The following HSD17B4 variants were observed in gnomAD, a reference collection of about 807,000 sequenced individuals.
The protein encoded by HSD17B4 is peroxisomal multifunctional enzyme type 2.
Under a neutral mutation model 101.0 loss-of-function variants are expected in HSD17B4, and 70 were observed. The ratio of observed to expected loss-of-function variants is 0.69; its 90% CI spans 0.57 to 0.85. The LOEUF is 0.85. Ranked by LOEUF, HSD17B4 falls within the 40% of genes least tolerant of loss-of-function variation. HSD17B4 has a pLI of 0.00. For synonymous variants in HSD17B4, 347 were observed against 297.1 expected (o/e 1.17, Z -1.73); for missense variants, 984 against 892.4 (o/e 1.10, Z -1.31).
chr5:119,516,179 C>G (rs1176761827), intron 17 of HSD17B4, among the ~76,000 whole-genome samples: 1 of 151,896 alleles, frequency 6.6e-6, no homozygotes, highest in Non-Finnish European at 1.5e-5. Context: ...TTGTTTTATT[C>G]TTGCTTTTAA....
rs1003820252 is a variant in HSD17B4, at chr5:119,454,762, C to T, written c.59-1553C>T. Among the ~76,000 whole-genome samples, 4 of 151,924 alleles carry T rather than the reference C, an allele frequency of 2.6e-5. No individual in the cohort carries two copies. In the East Asian group the frequency reaches 5.8e-4, roughly 22 times the overall value. ...TCAGCCTCCCAAGTAGCTGGGGGTACAGGTGCACACCACCAAGCCCAGCTG... is the reference window on the plus strand; with the variant it reads ...TCAGCCTCCCAAGTAGCTGGGGGTATAGGTGCACACCACCAAGCCCAGCTG... On this transcript the variant is annotated intron_variant, in intron 1 of 23. Coordinates refer to ENST00000510025, the MANE Select transcript of HSD17B4 (RefSeq NM_000414.4).
chr5:119,518,228 A>C (rs746837799), intron 17 of HSD17B4, among the ~76,000 whole-genome samples: 2 of 152,098 alleles, frequency 1.3e-5, no homozygotes, highest in Non-Finnish European at 2.9e-5. Flanking sequence ...GCCCACCGGG[A>C]GGAACGAACA....
At chr5:119,478,647 G>A (rs1748823729) in intron 7 of HSD17B4, among the ~76,000 whole-genome samples, 187 bp from the exon 8 acceptor site, 1 of 152,110 alleles carries the variant, frequency 6.6e-6, no homozygotes, top group African/African-American at 2.4e-5. Flanking sequence ...GTTAAATCTT[G>A]TAGTTGAATT....
At position 119,499,298 on chromosome 5, in the gene HSD17B4, T is replaced by C. The variant is rs1332923801; in HGVS notation, c.973-19T>C. 6.5e-7 allele frequency: 1 copy of C among 1,545,582 alleles called. No homozygotes were observed. The highest frequency in any genetic ancestry group is 8.9e-7 in the Non-Finnish European group (1 of 1,118,028). On this transcript the variant is annotated intron_variant, in intron 12 of 23. Transcript: ENST00000510025. ...AAAAGTTATCAATGAAATAAATTAC[T>C]TTTTAAAACTGTTCTTAGGCTGGAG... is the stretch of plus-strand genomic sequence containing the variant.
chr5:119,524,470 C>T (rs76693934), intron 17 of HSD17B4, among the ~76,000 whole-genome samples: 6 of 152,084 alleles, frequency 3.9e-5, no homozygotes, highest in Non-Finnish European at 8.8e-5. Flanking sequence ...CTAAAAGGGT[C>T]GGTCAAGTTT....
intron 17 of HSD17B4, among the ~76,000 whole-genome samples, chr5:119,522,058 G>A (rs570825170): frequency 6.6e-6 from 1 of 152,088 alleles, no homozygotes; most frequent in East Asian, 1.9e-4. Flanking sequence ...TTTACGTTAG[G>A]TATATCTCCT....
At chr5:119,473,296 T>TA (rs1554062004) in intron 2 of HSD17B4, among the ~76,000 whole-genome samples, 9 of 129,688 alleles carry the variant, frequency 6.9e-5, no homozygotes, top group African/African-American at 1.7e-4. Context: ...TTTTTTTTTT[T>TA]ACTTTTCTTC....
intron 13 of HSD17B4, among the ~76,000 whole-genome samples, chr5:119,501,273 T>C (rs1370071278): frequency 6.6e-6 from 1 of 152,036 alleles, no homozygotes; most frequent in Admixed American, 6.6e-5. Flanking sequence ...AAGCTGACCT[T>C]CATTTGTCTT....
At chr5:119,533,373 G>C (rs568293126) in intron 22 of HSD17B4, among the ~76,000 whole-genome samples, 1 of 151,744 alleles carries the variant, frequency 6.6e-6, no homozygotes, top group African/African-American at 2.4e-5. Flanking sequence ...AGGAAACAAA[G>C]GTTGTTGCAT....
chr5:119,528,328 T>A lies in HSD17B4; in HGVS notation c.1767+1109T>A, dbSNP rs546402515. Among the ~76,000 whole-genome samples the A allele has an allele frequency of 2.0e-5, 3 of 152,314 alleles. No individual in the cohort carries two copies. The South Asian group carries it at 6.2e-4, about 32-fold the overall frequency. On this transcript the variant is annotated intron_variant, in intron 20 of 23. Coordinates refer to ENST00000510025, the MANE Select transcript of HSD17B4 (RefSeq NM_000414.4). ...TCACAAATAGATAACTGCAAAATTC[T>A]TCTTACATGGTTGCTTTACTCCTAA...
At chr5:119,488,120 G>T (rs909072297) in intron 8 of HSD17B4, among the ~76,000 whole-genome samples, 9 of 152,028 alleles carry the variant, frequency 5.9e-5, no homozygotes, top group Non-Finnish European at 7.4e-5. Context: ...TGTATGATTT[G>T]TAAGACACAA....
At chr5:119,530,179 T>G (rs1438578411) in intron 21 of HSD17B4, 199 bp downstream of exon 21, 2 of 578,508 alleles carry the variant, frequency 3.5e-6, no homozygotes, top group East Asian at 3.0e-5. Flanking sequence ...AAAACTCGTT[T>G]TGCAGGATAC....
intron 17 of HSD17B4, among the ~76,000 whole-genome samples, chr5:119,516,644 C>G (rs955915690): frequency 6.6e-6 from 1 of 152,022 alleles, no homozygotes; most frequent in Non-Finnish European, 1.5e-5. Flanking sequence ...TATACCAGTT[C>G]CCTAAAAAAC....
chr5:119,496,519 T>C, intron 11 of HSD17B4, 24 bp from the exon 12 acceptor site: 1 of 1,174,444 alleles, frequency 8.5e-7, no homozygotes, highest in Non-Finnish European at 1.3e-6. Context: ...CTTTATTTTT[T>C]TTGTTTTTCA....
intron 6 of HSD17B4, among the ~76,000 whole-genome samples, chr5:119,477,107 G>A (rs1041788405): frequency 6.6e-6 from 1 of 152,066 alleles, no homozygotes; most frequent in Non-Finnish European, 1.5e-5. Flanking sequence ...AAAAATCTTG[G>A]ATTTTATATT....
At chr5:119,527,293 G>C (rs1359859530) in intron 20 of HSD17B4, 74 bp downstream of exon 20, 1 of 830,342 alleles carries the variant, frequency 1.2e-6, no homozygotes, top group African/African-American at 1.7e-5. Context: ...TTTTTGGTTA[G>C]TACTATGGAT....
At chr5:119,503,363 T>C (rs1445112596) in intron 14 of HSD17B4, among the ~76,000 whole-genome samples, 2 of 152,142 alleles carry the variant, frequency 1.3e-5, no homozygotes, top group South Asian at 2.1e-4. Flanking sequence ...AGAATAACTT[T>C]TTCATTTTTT....
intron 9 of HSD17B4, 91 bp downstream of exon 9, chr5:119,489,374 T>C (rs1164434038): frequency 1.2e-6 from 1 of 827,254 alleles, no homozygotes; most frequent in African/African-American, 1.7e-5. Context: ...TTGTATATTT[T>C]TAAATATTGT....
intron 16 of HSD17B4, among the ~76,000 whole-genome samples, chr5:119,510,172 A>G (rs533834924): frequency 2.0e-5 from 3 of 152,346 alleles, no homozygotes; most frequent in Admixed American, 6.5e-5. Context: ...TATTTTATAT[A>G]TAGAAAAGCC....
Sources: gnomAD v4.1 joint callset for allele counts (sites outside exome capture counted in the v4.1 genomes callset) on GRCh38, gnomAD v4.1.1 for gene constraint, MANE v1.5 for transcripts, NCBI Gene and HGNC (gene_info 2026-07-23, HGNC 2026-07-21) for gene names.